The following CNBP variants were observed in gnomAD, a reference collection of about 807,000 sequenced individuals.
The protein encoded by CNBP is CCHC-type zinc finger nucleic acid binding protein, also known as cellular nucleic acid-binding protein.
A neutral mutation model predicts 21.2 loss-of-function variants in CNBP; 6 were observed. The ratio of observed to expected loss-of-function variants is 0.28; its 90% confidence interval spans 0.16 to 0.56. The LOEUF (loss-of-function observed/expected upper bound fraction) is 0.56. CNBP is among the 20% of genes least tolerant of loss of function. The pLI is 0.93. For missense variants in CNBP, 112 were observed against 233.1 expected (o/e 0.48, Z 3.38); for synonymous variants, 61 against 74.9 (o/e 0.81, Z 0.96).
intron 1 of CNBP, among the ~76,000 whole-genome samples, chr3:129,182,359 G>A (rs1938356330): frequency 2.0e-5 from 3 of 152,102 alleles, no homozygotes; most frequent in African/African-American, 7.2e-5. Context: ...AAACACACTA[G>A]CTAAAATCAC....
intron 1 of CNBP, among the ~76,000 whole-genome samples, chr3:129,175,947 G>A (rs1937876106): frequency 6.6e-6 from 1 of 152,104 alleles, no homozygotes; most frequent in Admixed American, 6.6e-5. Context: ...TGAATCAGGT[G>A]GTCTACAGTT....
At position 129,172,668 on chromosome 3, in the gene CNBP, A is replaced by G. The variant is rs1328431437; in HGVS notation, c.-14-897T>C. ...GGCAGGCAGGCAGGCAGACAGACAG[A>G]CAGACAGACAGACAGACAGACAGAC... On this transcript the variant is annotated intron_variant, in intron 1 of 4. Transcript: ENST00000422453. Among the ~76,000 whole-genome samples, 741 of 111,508 alleles carry G rather than the reference A, an allele frequency of 6.6e-3. 21 individuals are homozygous for G. Among genetic ancestry groups the G allele is most frequent in the African/African-American group, 0.023 (641 of 28,064 alleles). 73.2% of individuals were successfully genotyped at this position (111,508 alleles called of 152,430 possible).
At position 129,169,116 on chromosome 3, in the gene CNBP, A is replaced by T. The variant is rs553305178; in HGVS notation, c.*1337T>A. ...CACTCTGTCTCAAAAAAAAATAAAA[A>T]AATAAAATAAAAATAAAAATACAAA... On this transcript the variant is annotated 3_prime_UTR_variant, in exon 5 of 5. Transcript: ENST00000422453. Among the ~76,000 whole-genome samples, 18 of 151,624 alleles carry T rather than the reference A, an allele frequency of 1.2e-4. No individual in the cohort carries two copies. The highest frequency in any genetic ancestry group is 3.6e-4 in the African/African-American group (15 of 41,340).
intron 1 of CNBP, among the ~76,000 whole-genome samples, chr3:129,178,158 C>CAAAAAA (rs368723690): frequency 1.9e-5 from 2 of 103,898 alleles, no homozygotes; most frequent in Admixed American, 1.2e-4. Flanking sequence ...GACTCTGTCT[C>CAAAAAA]AAAAAAAAAA....
chr3:129,182,218 A>G (rs1938347935), intron 1 of CNBP, among the ~76,000 whole-genome samples: 1 of 152,182 alleles, frequency 6.6e-6, no homozygotes, highest in Non-Finnish European at 1.5e-5. Flanking sequence ...GGAAAGGGGG[A>G]AAAATCTACT....
chr3:129,169,443 G>A lies in CNBP; in HGVS notation c.*1010C>T, dbSNP rs1294682867. 4.7e-5 allele frequency: 9 copies of A among 193,194 alleles called. No homozygotes were observed. Among genetic ancestry groups the A allele is most frequent in the Non-Finnish European group, 7.6e-5 (7 of 92,602 alleles). 12.0% of individuals were successfully genotyped at this position (193,194 alleles called of 1,614,324 possible). A position where few individuals can be genotyped will look rare whatever the true frequency, so the allele number is the denominator to read the frequency against. The stretch of plus-strand genomic sequence containing the variant: ...TTTAACAGCAATTTTCATTATTGAA[G>A]ACATGACTTAAGTACAAAAAGAAAA... On this transcript the variant is annotated 3_prime_UTR_variant, in exon 5 of 5. Coordinates refer to ENST00000422453, the MANE Select transcript of CNBP (RefSeq NM_003418.5).
At chr3:129,178,752 T>C (rs1263931555) in intron 1 of CNBP, among the ~76,000 whole-genome samples, 1 of 151,846 alleles carries the variant, frequency 6.6e-6, no homozygotes, top group Non-Finnish European at 1.5e-5. Context: ...ACTTCAGATT[T>C]TTTTTTTTTT....
chr3:129,175,216 C>T (rs1937815996), intron 1 of CNBP, among the ~76,000 whole-genome samples: 2 of 151,606 alleles, frequency 1.3e-5, no homozygotes, highest in Admixed American at 6.6e-5. Flanking sequence ...CCTAGCTACT[C>T]GAGAGGCTGA....
rs376760025 is a variant in CNBP at position 129,183,064 on chromosome 3, G to C, written c.-15+712C>G. ...CCTCCGGGGTTCACGCGATTCTCCT[G>C]TCCAGCCTCCCGAGCTGCTGGGACT... On this transcript the variant is annotated intron_variant, in intron 1 of 4. Coordinates refer to ENST00000422453, the MANE Select transcript of CNBP (RefSeq NM_003418.5). Among the ~76,000 whole-genome samples, 150 of 152,130 alleles carry C rather than the reference G, an allele frequency of 9.9e-4. 3 individuals carry two copies. In the East Asian group the frequency reaches 0.02, roughly 20 times the overall value.
intron 1 of CNBP, among the ~76,000 whole-genome samples, chr3:129,180,345 T>A (rs1938211607): frequency 6.6e-6 from 1 of 152,234 alleles, no homozygotes; most frequent in African/African-American, 2.4e-5. Context: ...TCTTAAAAAA[T>A]ATTTTCTTTA....
intron 1 of CNBP, among the ~76,000 whole-genome samples, chr3:129,172,691 GACAGACAC>G (rs1267294796): frequency 0.021 from 1,528 of 74,522 alleles, 19 homozygotes; most frequent in African/African-American, 0.024. Context: ...CAGACAGACA[GACAGACAC>G]ACACACACAC....
Position 129,169,784 on chromosome 3 carries a change from ACT to A in CNBP, c.*667_*668del. ...TCCTGAATAGCTCCAAATTATGCTA[ACT>A]CTGAGCATTGATGTTTACTCTGGGT... On this transcript the variant is annotated 3_prime_UTR_variant, in exon 5 of 5. Transcript: ENST00000422453. 1 of 222,704 alleles carries A rather than the reference ACT, an allele frequency of 4.5e-6. No individual in the cohort carries two copies. Among genetic ancestry groups the A allele is most frequent in the Non-Finnish European group, 9.0e-6 (1 of 111,226 alleles). 13.8% of individuals were successfully genotyped at this position (222,704 alleles called of 1,614,324 possible).
Position 129,181,605 on chromosome 3 carries a change from G to A in CNBP, c.-15+2171C>T, listed in dbSNP as rs546875089. Among the ~76,000 whole-genome samples, 591 of 120,580 alleles carry A rather than the reference G, an allele frequency of 4.9e-3. 1 individual carries two copies. Among genetic ancestry groups the A allele is most frequent in the Non-Finnish European group, 7.8e-3 (484 of 62,448 alleles). The allele number at this position is 120,580 out of a possible 152,430, so 79.1% of individuals were successfully genotyped here. A position where few individuals can be genotyped will look rare whatever the true frequency, so the allele number is the denominator to read the frequency against. On this transcript the variant is annotated intron_variant, in intron 1 of 4. Coordinates refer to ENST00000422453, the MANE Select transcript of CNBP (RefSeq NM_003418.5). ...GCGGAGGTCGCAGTGAGCCGAGATC[G>A]CGCCACTGCACTCCAGCTTGGGCGA...
intron 1 of CNBP, among the ~76,000 whole-genome samples, chr3:129,181,236 T>C (rs1938265152): frequency 2.7e-5 from 1 of 37,294 alleles, no homozygotes; most frequent in South Asian, 1.7e-3. Context: ...AAAGACTCTG[T>C]CTCAAAAAAA....
chr3:129,183,696 G>T (rs79820871), intron 1 of CNBP, 80 bp downstream of exon 1: 5,570 of 152,854 alleles, frequency 0.036, 120 homozygotes, highest in Non-Finnish European at 0.047. Flanking sequence ...CCACCTCGCC[G>T]CTCCCTACCC....
At chr3:129,180,838 A>G (rs1938239657) in intron 1 of CNBP, among the ~76,000 whole-genome samples, 1 of 152,110 alleles carries the variant, frequency 6.6e-6, no homozygotes, top group Non-Finnish European at 1.5e-5. Flanking sequence ...TCTTCAGCCA[A>G]TAGACAAATC....
Position 129,180,150 on chromosome 3 carries a change from A to T in CNBP, c.-15+3626T>A, listed in dbSNP as rs1055002316. Among the ~76,000 whole-genome samples the T allele has an allele frequency of 2.0e-5, 3 of 152,340 alleles. No individual in the cohort carries two copies. In the East Asian group the frequency reaches 5.8e-4, roughly 29 times the overall value. ...ATCTCTACTTCAAAATATTACATAA[A>T]GGTATTACTACTATATATCTAGTAA... On this transcript the variant is annotated intron_variant, in intron 1 of 4. Coordinates refer to ENST00000422453, the MANE Select transcript of CNBP (RefSeq NM_003418.5).
chr3:129,181,484 T>C (rs1349443327), intron 1 of CNBP, among the ~76,000 whole-genome samples: 1 of 150,610 alleles, frequency 6.6e-6, no homozygotes, highest in Non-Finnish European at 1.5e-5. Flanking sequence ...AAACCCCGTC[T>C]GTACTAAAAT....
intron 1 of CNBP, among the ~76,000 whole-genome samples, chr3:129,175,853 G>A (rs984551959): frequency 4.6e-5 from 7 of 152,198 alleles, no homozygotes; most frequent in African/African-American, 1.4e-4. Flanking sequence ...AACATGACAC[G>A]TGATTTTAAA....
Sources: gnomAD v4.1 joint callset for allele counts (sites outside exome capture counted in the v4.1 genomes callset) on GRCh38, gnomAD v4.1.1 for gene constraint, MANE v1.5 for transcripts, NCBI Gene and HGNC (gene_info 2026-07-23, HGNC 2026-07-21) for gene names.